Variants in CRISPLD1 observed in about 807,000 individuals in gnomAD.
The protein encoded by CRISPLD1 is cysteine-rich secretory protein LCCL domain-containing 1.
In CRISPLD1, 60 loss-of-function variants were observed where a neutral mutation model predicts 77.5. That is an observed-to-expected ratio of 0.77 (90% CI 0.63 to 0.96). The LOEUF (loss-of-function observed/expected upper bound fraction) is 0.96. Ranked by LOEUF, CRISPLD1 falls within the 40% of genes least tolerant of loss-of-function variation. The pLI is 0.00. For missense variants in CRISPLD1, 623 were observed against 615.8 expected (o/e 1.01, Z -0.12); for synonymous variants, 195 against 200.1 (o/e 0.97, Z 0.22).
intron 14 of CRISPLD1, among the ~76,000 whole-genome samples, chr8:75,031,626 G>T (rs1444676132): frequency 6.6e-6 from 1 of 150,938 alleles, no homozygotes; most frequent in Non-Finnish European, 1.5e-5. Context: ...GATATTCTTA[G>T]GTCTTTCAGA....
intron 2 of CRISPLD1, among the ~76,000 whole-genome samples, chr8:74,986,981 A>G (rs1446801468): frequency 6.6e-6 from 1 of 152,230 alleles, no homozygotes; most frequent in Non-Finnish European, 1.5e-5. Flanking sequence ...TCAAAAATCT[A>G]TTATATTCCT....
chr8:75,017,180 C>G, intron 9 of CRISPLD1, 67 bp downstream of exon 9: 1 of 1,515,386 alleles, frequency 6.6e-7, no homozygotes, highest in Non-Finnish European at 9.1e-7. Context: ...TTTTATTGTG[C>G]AAAATAACAC....
intron 9 of CRISPLD1, 103 bp downstream of exon 9, chr8:75,017,216 C>G (rs1052209217): frequency 6.5e-7 from 1 of 1,536,600 alleles, no homozygotes; most frequent in African/African-American, 1.4e-5. Context: ...ATATTTTGCT[C>G]AGAAATGTTT....
chr8:75,019,761 A>C (rs1813099953), intron 10 of CRISPLD1, 109 bp from the exon 11 acceptor site: 1 of 774,010 alleles, frequency 1.3e-6, no homozygotes, highest in Admixed American at 2.3e-5. Flanking sequence ...TATTTTAGTA[A>C]GTGTTTAAAA....
At chr8:75,004,716 G>T (rs1228478546) in intron 2 of CRISPLD1, among the ~76,000 whole-genome samples, 4 of 152,100 alleles carry the variant, frequency 2.6e-5, no homozygotes, top group African/African-American at 9.7e-5. Flanking sequence ...AGAAGTGGTA[G>T]CATAGTAAGA....
At chr8:75,029,746 C>G (rs1051041785) in intron 14 of CRISPLD1, among the ~76,000 whole-genome samples, 4 of 152,098 alleles carry the variant, frequency 2.6e-5, no homozygotes, top group African/African-American at 9.7e-5. Context: ...ACATGAAAAT[C>G]GGATTACAAG....
chr8:75,016,941 G>C lies in CRISPLD1; in HGVS notation c.929G>C (p.Arg310Thr). 6.5e-7 allele frequency: 1 copy of C among 1,541,408 alleles called. No individual in the cohort carries two copies. Among genetic ancestry groups the C allele is most frequent in the Non-Finnish European group, 8.8e-7 (1 of 1,137,600 alleles). ...CAGTGCAAAGGAACAACCTGCAATA[G>C]GTAATATTTGTTATTATTTTGAAAA... Reference protein sequence around the residue: ...RDQCKGTTCNRYECPAGCLDS... With the variant: ...RDQCKGTTCNTYECPAGCLDS... The change falls in exon 8 of 15, where the codon AGG becomes ACG. Residue 310 changes from arginine (R) to threonine (T), a missense_variant and splice_region_variant. Physicochemically the swap from Arg to Thr is moderately conservative, Grantham distance 71. Coordinates refer to ENST00000262207, the MANE Select transcript of CRISPLD1 (RefSeq NM_031461.6).
chr8:75,032,284 G>A lies in CRISPLD1; in HGVS notation c.*42G>A. The A allele has an allele frequency of 1.4e-6, 2 of 1,468,746 alleles. No homozygotes were observed. The highest frequency in any genetic ancestry group is 1.9e-6 in the Non-Finnish European group (2 of 1,060,528). The allele number at this position is 1,468,746 out of a possible 1,614,324, so 91.0% of individuals were successfully genotyped here. The stretch of plus-strand genomic sequence containing the variant: ...GAGGACCATAAAGACTATTCCAAAT[G>A]CAATATTTCTGAATTTTGTATAAAA... On this transcript the variant is annotated 3_prime_UTR_variant, in exon 15 of 15. Transcript: ENST00000262207.
rs766389465 is a variant in CRISPLD1, at chr8:74,986,002, G to A, written c.15G>A (p.Ala5=). The change falls in exon 2 of 15, where the codon GCG becomes GCA. Residue 5 remains alanine (A), a synonymous_variant. Transcript: ENST00000262207. MKCT[A]REWLRVTTVL... The stretch of plus-strand genomic sequence containing the variant: ...GGTCATTCATTATGAAGTGTACCGC[G>A]CGGGAGTGGCTCAGAGTAACCACAG... 6.2e-7 allele frequency: 1 copy of A among 1,613,992 alleles called. No homozygotes were observed. Among genetic ancestry groups the A allele is most frequent in the Non-Finnish European group, 8.5e-7 (1 of 1,179,904 alleles).
chr8:75,029,637 A>T, intron 14 of CRISPLD1, 120 bp downstream of exon 14: 1 of 975,298 alleles, frequency 1.0e-6, no homozygotes, highest in Non-Finnish European at 1.5e-6. Context: ...TGGCAGAGCC[A>T]GTGTGTTCCT....
chr8:75,026,017 T>C (rs1361345974), intron 13 of CRISPLD1, among the ~76,000 whole-genome samples: 1 of 152,172 alleles, frequency 6.6e-6, no homozygotes, highest in South Asian at 2.1e-4. Flanking sequence ...AAATGTAGCA[T>C]AGAGTCATAG....
chr8:75,030,509 T>A (rs1813315737), intron 14 of CRISPLD1, among the ~76,000 whole-genome samples: 1 of 152,142 alleles, frequency 6.6e-6, no homozygotes, highest in Non-Finnish European at 1.5e-5. Flanking sequence ...TCGTAATTCT[T>A]AGATTTATTT....
In CRISPLD1 at chr8:74,986,169, A is replaced by T. The variant is rs1471176350; in HGVS notation, c.182A>T (p.Asp61Val). Residue 61 changes from aspartate (D) to valine (V), a missense_variant, in exon 2 of 15, where the codon GAC (aspartate) becomes GTC (valine). By Grantham distance (152) the Asp-to-Val change is radical. Coordinates refer to ENST00000262207, the MANE Select transcript of CRISPLD1 (RefSeq NM_031461.6). ...GGGAAAAGGGCCATCACAGACAATG[A>T]CATGCAGAGTATTTTGGACCTTCAT... ...QRGKRAITDNDMQSILDLHNK... is the reference protein window; with the variant it reads ...QRGKRAITDNVMQSILDLHNK... 6.2e-7 allele frequency: 1 copy of T among 1,614,162 alleles called. No homozygotes were observed. Among genetic ancestry groups the T allele is most frequent in the Non-Finnish European group, 8.5e-7 (1 of 1,179,988 alleles).
At position 75,006,840 on chromosome 8, in the gene CRISPLD1, A is replaced by C. The variant is rs79170296; in HGVS notation, c.259-5593A>C. Among the ~76,000 whole-genome samples, 1,093 of 152,140 alleles carry C rather than the reference A, an allele frequency of 7.2e-3. 14 individuals carry two copies. The highest frequency in any genetic ancestry group is 0.025 in the African/African-American group (1,045 of 41,532). On this transcript the variant is annotated intron_variant, in intron 2 of 14. Coordinates refer to ENST00000262207, the MANE Select transcript of CRISPLD1 (RefSeq NM_031461.6). ...GAAGGCCCATCACCTCCACCCCACT[A>C]ATCTTTGGGGGTAATTTATATGTGA...
rs1813298548 is a variant in CRISPLD1 at position 75,029,617 on chromosome 8, CAA to C, written c.1451+102_1451+103del. On this transcript the variant is annotated intron_variant, in intron 14 of 14. Coordinates refer to ENST00000262207, the MANE Select transcript of CRISPLD1 (RefSeq NM_031461.6). ...CCACTTGAATATTTTTAATTTTTTT[CAA>C]AGTTAAGTGGCAGAGCCAGTGTGTT... 100 of 1,259,240 alleles carry C rather than the reference CAA, an allele frequency of 7.9e-5. 2 individuals carry two copies. The South Asian group carries it at 1.3e-3, about 16-fold the overall frequency. The allele number at this position is 1,259,240 out of a possible 1,614,324, so 78.0% of individuals were successfully genotyped here.
At position 75,016,813 on chromosome 8, in the gene CRISPLD1, G is replaced by A. The variant is rs1028942151; in HGVS notation, c.869-68G>A. Reference sequence around the variant, plus strand: ...TAGAATGGAAAAAATTTTGTCATTAGGCTATATATAATGAACTACAACTGC... The same window carrying A: ...TAGAATGGAAAAAATTTTGTCATTAAGCTATATATAATGAACTACAACTGC... On this transcript the variant is annotated intron_variant, in intron 7 of 14. Transcript: ENST00000262207. 3.8e-5 allele frequency: 58 copies of A among 1,524,390 alleles called. No individual in the cohort carries two copies. In the South Asian group the frequency reaches 5.4e-4, roughly 14 times the overall value. 94.4% of individuals were successfully genotyped at this position (1,524,390 alleles called of 1,614,324 possible).
intron 8 of CRISPLD1, 23 bp downstream of exon 8, chr8:75,016,964 AAATT>A: frequency 1.3e-6 from 2 of 1,511,406 alleles, no homozygotes; most frequent in Non-Finnish European, 1.8e-6. Context: ...ATTATTTTGA[AAATT>A]AATTGAATAT....
At chr8:75,003,402 C>A (rs1812778330) in intron 2 of CRISPLD1, among the ~76,000 whole-genome samples, 1 of 152,068 alleles carries the variant, frequency 6.6e-6, no homozygotes, top group Non-Finnish European at 1.5e-5. Flanking sequence ...CACATAAATA[C>A]ACAAAAGCAA....
At chr8:75,001,961 C>T (rs1172976854) in intron 2 of CRISPLD1, among the ~76,000 whole-genome samples, 1 of 151,986 alleles carries the variant, frequency 6.6e-6, no homozygotes, top group Non-Finnish European at 1.5e-5. Context: ...CCTTTCTTGA[C>T]CTAAAAAATG....
Sources: allele counts gnomAD v4.1 joint callset (sites outside exome capture counted in the v4.1 genomes callset), GRCh38; gene constraint gnomAD v4.1.1; transcripts MANE v1.5; gene names NCBI Gene and HGNC (gene_info 2026-07-23, HGNC 2026-07-21).